STK32B: variants seen among roughly 807,000 people sequenced by gnomAD.
STK32B encodes the protein serine/threonine-protein kinase 32B.
Under a neutral mutation model 52.6 loss-of-function variants are expected in STK32B, and 43 were observed. That is an observed-to-expected ratio of 0.82 (90% CI 0.64 to 1.05). STK32B has a LOEUF of 1.05. Among genes scored for constraint, STK32B ranks in the 50% least tolerant of loss-of-function variants. The pLI is 0.00. For missense variants in STK32B, 621 were observed against 534.6 expected, an observed-to-expected ratio of 1.16 and a Z score of -1.59; for synonymous variants, 238 against 204.3, an observed-to-expected ratio of 1.17 and a Z score of -1.41.
chr4:5,154,794 A>G (rs1717661730), intron 2 of STK32B, among the ~76,000 whole-genome samples: 1 of 152,140 alleles, frequency 6.6e-6, no homozygotes, highest in Non-Finnish European at 1.5e-5. Context: ...GGTGCCCAAC[A>G]TGTGGTAAAG....
In STK32B at chr4:5,058,360, T is replaced by A. The variant is rs1483941450; in HGVS notation, c.52+6445T>A. 6.6e-6 allele frequency among the ~76,000 whole-genome samples: 1 copy of A among 152,200 alleles called. No individual in the cohort carries two copies. Among genetic ancestry groups the A allele is most frequent in the Non-Finnish European group, 1.5e-5 (1 of 68,034 alleles). On this transcript the variant is annotated intron_variant, in intron 1 of 11. Transcript: ENST00000282908. The surrounding 1 kb of genome is among the most constrained non-coding windows in gnomAD (Gnocchi z 4.8). ...TTGAGCTGAGATGACATATGTCACA[T>A]CTTGGAGAAAGTATTGAAGACCTAG...
intron 3 of STK32B, among the ~76,000 whole-genome samples, chr4:5,190,832 G>A (rs1230605027): frequency 6.6e-6 from 1 of 152,078 alleles, no homozygotes; most frequent in African/African-American, 2.4e-5. Flanking sequence ...GGTCTCCAAG[G>A]CAGGTACTAT....
intron 11 of STK32B, among the ~76,000 whole-genome samples, chr4:5,472,801 A>G (rs1385335773): frequency 2.6e-5 from 4 of 152,202 alleles, no homozygotes; most frequent in African/African-American, 9.6e-5. Flanking sequence ...AATAACAATC[A>G]TCATTTGTAT....
At chr4:5,481,375 A>T (rs902618066) in intron 11 of STK32B, among the ~76,000 whole-genome samples, 107 of 152,162 alleles carry the variant, frequency 7.0e-4, no homozygotes, top group Non-Finnish European at 1.2e-3. Flanking sequence ...GCTGCATAAA[A>T]GTCTTCTTTT....
At chr4:5,350,250 G>T (rs914988042) in intron 4 of STK32B, among the ~76,000 whole-genome samples, 1 of 152,086 alleles carries the variant, frequency 6.6e-6, no homozygotes, top group Non-Finnish European at 1.5e-5. Flanking sequence ...TTCCCATCAG[G>T]TTAATAGCAG....
chr4:5,462,514 C>A (rs1400324859), intron 9 of STK32B, among the ~76,000 whole-genome samples: 1 of 152,114 alleles, frequency 6.6e-6, no homozygotes, highest in Admixed American at 6.5e-5. Context: ...CCACCCTATT[C>A]CGCTGGCCAA....
At chr4:5,385,717 C>G (rs1736203283) in intron 4 of STK32B, among the ~76,000 whole-genome samples, 1 of 152,092 alleles carries the variant, frequency 6.6e-6, no homozygotes, top group East Asian at 1.9e-4. Context: ...CTCCTGCACT[C>G]AGTCCATCCT....
intron 3 of STK32B, among the ~76,000 whole-genome samples, chr4:5,324,221 G>T (rs1394333398): frequency 6.6e-6 from 1 of 152,192 alleles, no homozygotes; most frequent in Non-Finnish European, 1.5e-5. Flanking sequence ...AGGTGTGGTG[G>T]CATGGGCCTG....
the STK32B span, among the ~76,000 whole-genome samples, chr4:5,045,554 G>T: frequency 3.3e-5 from 5 of 152,164 alleles, no homozygotes; most frequent in Admixed American, 1.3e-4. Context: ...ATGATGGAAG[G>T]TTTTTCCATT....
At position 5,453,905 on chromosome 4, in the gene STK32B, A is replaced by T. The variant is rs1312745809; in HGVS notation, c.667-2902A>T. Among the ~76,000 whole-genome samples, 1 of 148,074 alleles carries T rather than the reference A, an allele frequency of 6.8e-6. No individual in the cohort carries two copies. ...AGGCGACAAGAGTGAAACTCCATCTAAAAAAAAAGAAGTCCAAAACTGAAC... is the reference window on the plus strand; with the variant it reads ...AGGCGACAAGAGTGAAACTCCATCTTAAAAAAAAGAAGTCCAAAACTGAAC... On this transcript the variant is annotated intron_variant, in intron 7 of 11. Transcript: ENST00000282908. The surrounding 1 kb of genome is among the most constrained non-coding windows in gnomAD (Gnocchi z 4.0).
chr4:5,119,271 C>A (rs1201819689), intron 1 of STK32B, among the ~76,000 whole-genome samples: 2 of 152,154 alleles, frequency 1.3e-5, no homozygotes, highest in African/African-American at 4.8e-5. Flanking sequence ...GTGCCTTGTC[C>A]TGTGTGTGAA....
intron 1 of STK32B, among the ~76,000 whole-genome samples, chr4:5,091,845 C>T (rs980001706): frequency 6.6e-5 from 10 of 152,234 alleles, no homozygotes; most frequent in African/African-American, 2.4e-4. Context: ...GTGGTGTATC[C>T]TTAAATGGAA....
intron 1 of STK32B, among the ~76,000 whole-genome samples, chr4:5,102,507 TCCC>T (rs1713858588): frequency 1.7e-5 from 2 of 114,560 alleles, no homozygotes; most frequent in South Asian, 7.0e-4. Context: ...CCTCCCTCCC[TCCC>T]TCCTTCCTTC....
intron 5 of STK32B, among the ~76,000 whole-genome samples, chr4:5,408,055 T>C (rs1331919713): frequency 6.6e-6 from 1 of 152,160 alleles, no homozygotes; most frequent in Non-Finnish European, 1.5e-5. Flanking sequence ...GTCAGGGCCT[T>C]GATCTTGGAC....
chr4:5,266,104 A>C (rs1727041358), intron 3 of STK32B, among the ~76,000 whole-genome samples: 1 of 152,202 alleles, frequency 6.6e-6, no homozygotes. Flanking sequence ...CCAATAATCA[A>C]ATTCATTAGT....
At chr4:5,224,405 T>C (rs1415887903) in intron 3 of STK32B, among the ~76,000 whole-genome samples, 1 of 152,190 alleles carries the variant, frequency 6.6e-6, no homozygotes, top group Non-Finnish European at 1.5e-5. Flanking sequence ...GTTTGATGCA[T>C]AAAAAGCTGG....
intron 6 of STK32B, among the ~76,000 whole-genome samples, chr4:5,438,641 G>A (rs1055893779): frequency 2.0e-5 from 3 of 152,144 alleles, no homozygotes; most frequent in African/African-American, 7.2e-5. Context: ...TAGGGTACAT[G>A]TGCACATTGT....
chr4:5,372,725 G>GGA (rs918458466), intron 4 of STK32B, among the ~76,000 whole-genome samples: 1 of 150,516 alleles, frequency 6.6e-6, no homozygotes, highest in African/African-American at 2.4e-5. Context: ...AAAGTTGGGG[G>GGA]GGGGGGCGGT....
chr4:5,462,653 TACAG>T (rs1370865002), intron 9 of STK32B, among the ~76,000 whole-genome samples: 4 of 152,138 alleles, frequency 2.6e-5, no homozygotes, highest in African/African-American at 9.7e-5. Context: ...CCAGGGAGCT[TACAG>T]ACAACAGTGC....
Sources: gnomAD v4.1 joint callset for allele counts (sites outside exome capture counted in the v4.1 genomes callset) on GRCh38, gnomAD v4.1.1 for gene constraint, Gnocchi (gnomAD v3.1) non-coding constraint, MANE v1.5 for transcripts, NCBI Gene and HGNC (gene_info 2026-07-23, HGNC 2026-07-21) for gene names.